The following GLI3 variants were observed in gnomAD, a reference collection of about 807,000 sequenced individuals.
GLI3 encodes transcription activator GLI3.
In GLI3, 20 loss-of-function variants were observed where a neutral mutation model predicts 100.8. The ratio of observed to expected loss-of-function variants is 0.20; its 90% CI spans 0.14 to 0.29. GLI3 has a LOEUF of 0.29. Among genes scored for constraint, GLI3 ranks in the 10% least tolerant of loss-of-function variants. The pLI is 1.00. For synonymous variants in GLI3, 938 were observed against 860.5 expected (o/e 1.09, Z -1.58); for missense variants, 2,040 against 2,128.5 (o/e 0.96, Z 0.82).
intron 1 of GLI3, among the ~76,000 whole-genome samples, chr7:42,262,076 C>G (rs959785208): frequency 6.7e-6 from 1 of 148,966 alleles, no homozygotes; most frequent in Admixed American, 6.9e-5. Flanking sequence ...CTCTCTCTTT[C>G]TTTCTTTTTC....
chr7:41,984,263 C>T (rs1262719083), intron 10 of GLI3, among the ~76,000 whole-genome samples: 3 of 152,184 alleles, frequency 2.0e-5, no homozygotes, highest in Non-Finnish European at 1.5e-5. Flanking sequence ...ACTATTAGCT[C>T]AGAGCAGGCA....
intron 2 of GLI3, among the ~76,000 whole-genome samples, chr7:42,149,221 G>C (rs957108390): frequency 6.6e-6 from 1 of 152,238 alleles, no homozygotes; most frequent in Non-Finnish European, 1.5e-5. Context: ...ATGGCTCTGA[G>C]GGTGAGGAAG....
At position 42,152,568 on chromosome 7, in the gene GLI3, G is replaced by A. The variant is rs1008022730; in HGVS notation, c.125-4100C>T. 8 of 232,086 alleles carry A rather than the reference G, an allele frequency of 3.4e-5. No homozygotes were observed. In the South Asian group the frequency reaches 4.6e-4, roughly 13 times the overall value. 14.4% of individuals were successfully genotyped at this position (232,086 alleles called of 1,614,324 possible). A position where few individuals can be genotyped will look rare whatever the true frequency, so the allele number is the denominator to read the frequency against. On this transcript the variant is annotated intron_variant, in intron 2 of 14. Coordinates refer to ENST00000395925, the MANE Select transcript of GLI3 (RefSeq NM_000168.6). ...ATTAGTATTCTTTCTGAGTGCTTCC[G>A]AGTGAACTCTCCCTATTCAAGCCTC...
chr7:42,063,433 G>T (rs1784611407), intron 4 of GLI3, among the ~76,000 whole-genome samples: 1 of 152,052 alleles, frequency 6.6e-6, no homozygotes. Flanking sequence ...CTTATTAAAA[G>T]AGCTCTTTTA....
At chr7:42,031,211 A>G (rs1054763678) in intron 7 of GLI3, among the ~76,000 whole-genome samples, 1 of 152,238 alleles carries the variant, frequency 6.6e-6, no homozygotes, top group African/African-American at 2.4e-5. Context: ...TTAATCTGTT[A>G]TTATTTCTAA....
chr7:42,198,504 G>A (rs1787974927), intron 2 of GLI3, among the ~76,000 whole-genome samples: 2 of 152,002 alleles, frequency 1.3e-5, no homozygotes, highest in Admixed American at 6.6e-5. Flanking sequence ...GCTGAGCTCC[G>A]GGGATGTGGG....
Position 42,037,124 on chromosome 7 carries a change from G to C in GLI3, c.1028+2914C>G, listed in dbSNP as rs112076536. ...CCACTTCACTCCAGCCTGGGCAAAA[G>C]AGTGAAACTCTGTCTCAAAAAAAAA... is the stretch of plus-strand genomic sequence containing the variant. On this transcript the variant is annotated intron_variant, in intron 7 of 14. Transcript: ENST00000395925. Among the ~76,000 whole-genome samples the C allele has an allele frequency of 3.7e-3, 561 of 152,106 alleles. 7 individuals are homozygous for C. The highest frequency in any genetic ancestry group is 0.012 in the African/African-American group (510 of 41,428).
At chr7:42,214,030 A>G (rs891337543) in intron 2 of GLI3, among the ~76,000 whole-genome samples, 18 of 152,252 alleles carry the variant, frequency 1.2e-4, no homozygotes, top group Admixed American at 2.6e-4. Flanking sequence ...ATTATGGGAA[A>G]TAAAAGAAGC....
At chr7:42,130,457 T>C (rs1480244583) in intron 3 of GLI3, among the ~76,000 whole-genome samples, 1 of 152,206 alleles carries the variant, frequency 6.6e-6, no homozygotes, top group African/African-American at 2.4e-5. Flanking sequence ...AAGAGCAAGA[T>C]GTTAAGAAGA....
intron 10 of GLI3, among the ~76,000 whole-genome samples, chr7:42,007,609 G>A (rs142192350): frequency 6.2e-4 from 94 of 152,238 alleles, no homozygotes; most frequent in African/African-American, 2.2e-3. Context: ...AGAATAAAAT[G>A]TATGTGATAC....
chr7:42,133,742 G>T (rs1283925308), intron 3 of GLI3, among the ~76,000 whole-genome samples: 1 of 151,582 alleles, frequency 6.6e-6, no homozygotes, highest in Admixed American at 6.6e-5. Context: ...CAGGAGTGTG[G>T]CATCAAAGGA....
intron 2 of GLI3, among the ~76,000 whole-genome samples, chr7:42,197,166 T>A (rs1787943050): frequency 6.6e-6 from 1 of 152,208 alleles, no homozygotes; most frequent in Non-Finnish European, 1.5e-5. Flanking sequence ...ACTATATGTG[T>A]CCCTCTTAAC....
chr7:41,983,640 A>G (rs1467495718), intron 10 of GLI3, among the ~76,000 whole-genome samples: 1 of 152,220 alleles, frequency 6.6e-6, no homozygotes, highest in African/African-American at 2.4e-5. Context: ...ACACATAGAC[A>G]TGCAATTTGC....
At chr7:42,121,016 C>T (rs1425482038) in intron 3 of GLI3, among the ~76,000 whole-genome samples, 1 of 152,206 alleles carries the variant, frequency 6.6e-6, no homozygotes, top group Non-Finnish European at 1.5e-5. Context: ...ATATTATGTT[C>T]ACTGGCTCCT....
chr7:42,213,923 C>A (rs1476615348), intron 2 of GLI3, among the ~76,000 whole-genome samples: 1 of 152,254 alleles, frequency 6.6e-6, no homozygotes, highest in Non-Finnish European at 1.5e-5. Context: ...CAGGGCTGTC[C>A]CCAGAAACCC....
chr7:42,106,753 C>A (rs1389688786), intron 3 of GLI3, among the ~76,000 whole-genome samples: 1 of 152,174 alleles, frequency 6.6e-6, no homozygotes. Flanking sequence ...GTGAAAACAG[C>A]CTTTGTGTTG....
chr7:41,971,729 T>C (rs1014434654), intron 13 of GLI3, among the ~76,000 whole-genome samples: 1 of 152,042 alleles, frequency 6.6e-6, no homozygotes, highest in African/African-American at 2.4e-5. Flanking sequence ...ACAAAAAAAC[T>C]CACCCCTGCT....
chr7:42,157,435 A>T (rs1787028376), intron 2 of GLI3, among the ~76,000 whole-genome samples: 3 of 152,202 alleles, frequency 2.0e-5, no homozygotes, highest in Admixed American at 6.5e-5. Context: ...CTTCATGGCC[A>T]CAGACATGAC....
chr7:42,092,575 G>C (rs1785246927), intron 3 of GLI3, among the ~76,000 whole-genome samples: 1 of 152,118 alleles, frequency 6.6e-6, no homozygotes, highest in South Asian at 2.1e-4. Flanking sequence ...CCCTGAGGCA[G>C]GGTCAGCTGC....
Sources: gnomAD v4.1 joint callset for allele counts (sites outside exome capture counted in the v4.1 genomes callset) on GRCh38, gnomAD v4.1.1 for gene constraint, MANE v1.5 for transcripts, NCBI Gene and HGNC (gene_info 2026-07-23, HGNC 2026-07-21) for gene names.